Variants in DAB1 observed in about 807,000 individuals in gnomAD.
DAB1 encodes DAB adaptor protein 1.
DAB1 carries 15 observed loss-of-function variants against 64.6 expected under a neutral mutation model. The observed-to-expected ratio is 0.23, with a 90% CI of 0.16 to 0.36. The LOEUF is 0.36. Ranked by LOEUF, DAB1 falls within the 10% of genes least tolerant of loss-of-function variation. DAB1 has a pLI of 1.00. For synonymous variants in DAB1, 235 were observed against 251.9 expected (o/e 0.93, Z 0.64); for missense variants, 596 against 706.7 (o/e 0.84, Z 1.78).
chr1:57,260,700 C>G (rs577644401), intron 2 of DAB1, among the ~76,000 whole-genome samples: 1 of 152,140 alleles, frequency 6.6e-6, no homozygotes, highest in African/African-American at 2.4e-5. Flanking sequence ...AGGGGACTCA[C>G]CTAAGGTCAC....
intron 3 of DAB1, among the ~76,000 whole-genome samples, chr1:58,385,423 C>T (rs577558589): frequency 6.0e-4 from 91 of 152,326 alleles, no homozygotes; most frequent in Non-Finnish European, 1.0e-3. Context: ...AAAAGCATTT[C>T]ATATGCATTG....
chr1:58,338,845 G>A (rs1663184332), intron 4 of DAB1, among the ~76,000 whole-genome samples: 1 of 152,158 alleles, frequency 6.6e-6, no homozygotes, highest in Non-Finnish European at 1.5e-5. Context: ...ATAAAGTTCT[G>A]ATTCATACTG....
intron 1 of DAB1, among the ~76,000 whole-genome samples, chr1:57,328,085 C>A (rs1020531865): frequency 1.2e-4 from 18 of 152,162 alleles, no homozygotes; most frequent in Middle Eastern, 3.2e-3. Context: ...GTTTGCTACC[C>A]ATGATGGCTG....
intron 6 of DAB1, among the ~76,000 whole-genome samples, chr1:57,694,067 C>A (rs2101717895): frequency 6.6e-6 from 1 of 152,166 alleles, no homozygotes; most frequent in Non-Finnish European, 1.5e-5. Context: ...CCAGTGTTTT[C>A]TTGTAGTAGT....
At chr1:57,670,040 TA>T (rs1184072946) in intron 6 of DAB1, among the ~76,000 whole-genome samples, 1 of 152,110 alleles carries the variant, frequency 6.6e-6, no homozygotes, top group Non-Finnish European at 1.5e-5. Flanking sequence ...ATGGAAAAGA[TA>T]AAAGGGTATC....
At chr1:57,499,116 C>T (rs972272358) in intron 7 of DAB1, among the ~76,000 whole-genome samples, 2 of 152,150 alleles carry the variant, frequency 1.3e-5, no homozygotes. Context: ...GCTGGGACTA[C>T]AGATGCACAC....
At chr1:58,383,439 A>G (rs1209005336) in intron 3 of DAB1, among the ~76,000 whole-genome samples, 2 of 152,198 alleles carry the variant, frequency 1.3e-5, no homozygotes, top group Admixed American at 1.3e-4. Context: ...GCCCTGTAGA[A>G]GCCATACAAG....
chr1:57,092,613 T>A (rs1639905732), intron 4 of DAB1, among the ~76,000 whole-genome samples: 1 of 145,892 alleles, frequency 6.9e-6, no homozygotes, highest in Non-Finnish European at 1.5e-5. Context: ...ACCTCCTTCT[T>A]TATAAATTAC....
intron 4 of DAB1, among the ~76,000 whole-genome samples, chr1:58,327,752 A>T (rs949315668): frequency 6.6e-6 from 1 of 152,194 alleles, no homozygotes; most frequent in Non-Finnish European, 1.5e-5. Flanking sequence ...CGAGGTCAGG[A>T]GTTCGAGACC....
chr1:58,505,063 C>T (rs1645965834), intron 3 of DAB1, among the ~76,000 whole-genome samples: 1 of 152,172 alleles, frequency 6.6e-6, no homozygotes, highest in Admixed American at 6.5e-5. Flanking sequence ...AGCGATTCCC[C>T]TGCCTCAATC....
intron 2 of DAB1, among the ~76,000 whole-genome samples, chr1:58,515,048 T>C (rs1646138629): frequency 6.6e-6 from 1 of 152,214 alleles, no homozygotes; most frequent in Non-Finnish European, 1.5e-5. Flanking sequence ...ATCATTGTCA[T>C]CATCTACCAG....
chr1:57,630,461 T>C (rs1031570569), intron 7 of DAB1, among the ~76,000 whole-genome samples: 2 of 152,226 alleles, frequency 1.3e-5, no homozygotes, highest in Non-Finnish European at 2.9e-5. Flanking sequence ...AAAATGTTAG[T>C]TATTTGTTTC....
intron 3 of DAB1, among the ~76,000 whole-genome samples, chr1:58,373,050 G>A (rs1318650337): frequency 6.6e-6 from 1 of 151,894 alleles, no homozygotes; most frequent in East Asian, 1.9e-4. Context: ...TCTGTGGAAG[G>A]AACAGGAGTA....
At chr1:57,919,921 T>C (rs1461410217) in intron 5 of DAB1, among the ~76,000 whole-genome samples, 2 of 152,198 alleles carry the variant, frequency 1.3e-5, no homozygotes, top group African/African-American at 2.4e-5. Context: ...AGGAAACTAT[T>C]CCAAATAAAG....
chr1:57,266,179 G>A (rs1426118952), intron 2 of DAB1, among the ~76,000 whole-genome samples: 2 of 152,204 alleles, frequency 1.3e-5, no homozygotes, highest in Non-Finnish European at 2.9e-5. Flanking sequence ...AGGAAAGTGG[G>A]CACAAGTTTC....
chr1:58,296,225 GAAAGA>G (rs1324192034), intron 4 of DAB1, among the ~76,000 whole-genome samples: 2 of 149,740 alleles, frequency 1.3e-5, no homozygotes, highest in African/African-American at 4.9e-5. Flanking sequence ...AAGAAAGAAA[GAAAGA>G]AAGAAAGAAA....
chr1:57,714,888 T>A (rs1335828726), intron 6 of DAB1, among the ~76,000 whole-genome samples: 2 of 151,728 alleles, frequency 1.3e-5, no homozygotes, highest in Non-Finnish European at 2.9e-5. Context: ...TAAACAAGAC[T>A]GAAAGAAAAG....
chr1:57,000,591 A>C (rs1645821495), intron 14 of DAB1, among the ~76,000 whole-genome samples: 1 of 152,236 alleles, frequency 6.6e-6, no homozygotes, highest in Non-Finnish European at 1.5e-5. Context: ...TACATGTTGT[A>C]AGGCTAAACA....
chr1:57,375,437 T>G (rs1680816811), intron 1 of DAB1, among the ~76,000 whole-genome samples: 1 of 152,128 alleles, frequency 6.6e-6, no homozygotes, highest in South Asian at 2.1e-4. Flanking sequence ...CTTATTAACC[T>G]CCACAACAGC....
Sources: allele counts gnomAD v4.1 joint callset (sites outside exome capture counted in the v4.1 genomes callset), GRCh38; gene constraint gnomAD v4.1.1; transcripts MANE v1.5; gene names NCBI Gene and HGNC (gene_info 2026-07-23, HGNC 2026-07-21).